Variants in ZNF705A observed in about 807,000 individuals in gnomAD.
The protein encoded by ZNF705A is zinc finger protein 705A.
Under a neutral mutation model 16.6 loss-of-function variants are expected in ZNF705A, and 8 were observed. The ratio of observed to expected loss-of-function variants is 0.48; its 90% CI spans 0.28 to 0.87. The LOEUF is 0.87. Among genes scored for constraint, ZNF705A ranks in the 40% least tolerant of loss-of-function variants. The pLI is 0.10. For synonymous variants in ZNF705A, 73 were observed against 117.3 expected, an observed-to-expected ratio of 0.62 and a Z score of 2.44; for missense variants, 233 against 359.9, an observed-to-expected ratio of 0.65 and a Z score of 2.85.
At chr12:8,166,395 G>A (rs1465192827) in intron 1 of ZNF705A, among the ~76,000 whole-genome samples, 2 of 152,186 alleles carry the variant, frequency 1.3e-5, no homozygotes, top group Admixed American at 1.3e-4. Flanking sequence ...GTTGTGGGGG[G>A]ACCCAGTGGC....
At chr12:8,161,927 T>G (rs939980464) in intron 1 of ZNF705A, among the ~76,000 whole-genome samples, 2 of 152,168 alleles carry the variant, frequency 1.3e-5, no homozygotes, top group African/African-American at 4.8e-5. Flanking sequence ...TGGAGGAAAC[T>G]CCATTGTGAG....
chr12:8,175,706 C>A (rs1289133897), intron 3 of ZNF705A, among the ~76,000 whole-genome samples, 154 bp from the exon 5 acceptor site: 1 of 152,124 alleles, frequency 6.6e-6, no homozygotes, highest in Non-Finnish European at 1.5e-5. Flanking sequence ...CGACACTGTA[C>A]AATCTATTTC....
At chr12:8,158,737 TTTTC>T (rs1402755219) in intron 1 of ZNF705A, among the ~76,000 whole-genome samples, 3 of 152,108 alleles carry the variant, frequency 2.0e-5, no homozygotes, top group Non-Finnish European at 4.4e-5. Flanking sequence ...TGTCTTGGGT[TTTTC>T]TTTACGTTTT....
upstream of ZNF705A, among the ~76,000 whole-genome samples, chr12:8,168,540 C>T (rs2120712965): frequency 6.6e-6 from 1 of 152,302 alleles, no homozygotes; most frequent in South Asian, 2.1e-4. Flanking sequence ...CTCCAAGATT[C>T]TAGATCTGCA....
chr12:8,161,617 G>C (rs976589945), intron 1 of ZNF705A, among the ~76,000 whole-genome samples: 8 of 152,008 alleles, frequency 5.3e-5, no homozygotes, highest in Non-Finnish European at 7.4e-5. Context: ...AATGATCAGT[G>C]GTGTCAGTTG....
chr12:8,175,393 A>G (rs1176478495), intron 3 of ZNF705A, 70 bp downstream of exon 4: 1 of 1,116,168 alleles, frequency 9.0e-7, no homozygotes, highest in Non-Finnish European at 1.3e-6. Flanking sequence ...GTTGAATATT[A>G]ATTAGTGGTT....
At chr12:8,176,912 T>C (rs1411967232) in intron 4 of ZNF705A, 87 bp from the exon 6 acceptor site, 5 of 1,558,094 alleles carry the variant, frequency 3.2e-6, no homozygotes, top group Non-Finnish European at 4.4e-6. Context: ...TACCACTGAA[T>C]GTTTGGTCTA....
At chr12:8,166,142 G>A (rs1394215522) in intron 1 of ZNF705A, among the ~76,000 whole-genome samples, 1 of 152,212 alleles carries the variant, frequency 6.6e-6, no homozygotes. Context: ...GATGGTGGCT[G>A]TCTTCTCAGA....
At chr12:8,159,300 A>G (rs929080673) in intron 1 of ZNF705A, among the ~76,000 whole-genome samples, 7 of 152,172 alleles carry the variant, frequency 4.6e-5, no homozygotes, top group Non-Finnish European at 7.3e-5. Flanking sequence ...TCTTTTTTGT[A>G]TAATGACTTC....
At chr12:8,173,104 C>G (rs764021882) in intron 1 of ZNF705A, among the ~76,000 whole-genome samples, 14 of 152,210 alleles carry the variant, frequency 9.2e-5, no homozygotes, top group African/African-American at 3.4e-4. Context: ...CACAGCCCAA[C>G]AATGAGTCTG....
chr12:8,157,785 G>C (rs1948321545), intron 1 of ZNF705A, among the ~76,000 whole-genome samples: 1 of 152,096 alleles, frequency 6.6e-6, no homozygotes, highest in African/African-American at 2.4e-5. Flanking sequence ...GTGAAATGTT[G>C]ACCTAAAAGG....
exon 5 of ZNF705A, chr12:8,178,519 T>C (rs182656605): frequency 3.3e-5 from 5 of 152,400 alleles, no homozygotes; most frequent in African/African-American, 1.2e-4. Context: ...AGAAACCTGA[T>C]AGATTTCTCA....
At chr12:8,176,933 G>A in intron 4 of ZNF705A, 66 bp from the exon 6 acceptor site, 1 of 1,563,898 alleles carries the variant, frequency 6.4e-7, no homozygotes, top group Non-Finnish European at 8.8e-7. Flanking sequence ...GGATTCAAAG[G>A]TAGTGAAATG....
At chr12:8,158,022 ATAAT>A (rs2120692141) in intron 1 of ZNF705A, among the ~76,000 whole-genome samples, 1 of 152,214 alleles carries the variant, frequency 6.6e-6, no homozygotes, top group East Asian at 1.9e-4. Context: ...TTGGCTATAA[ATAAT>A]TAACTATAGA....
At chr12:8,165,838 C>G (rs1344191616) in intron 1 of ZNF705A, among the ~76,000 whole-genome samples, 1 of 152,078 alleles carries the variant, frequency 6.6e-6, no homozygotes, top group African/African-American at 2.4e-5. Flanking sequence ...TATGTTGGTG[C>G]AAAGGACATA....
At chr12:8,161,071 C>T (rs1394589483) in intron 1 of ZNF705A, among the ~76,000 whole-genome samples, 1 of 152,134 alleles carries the variant, frequency 6.6e-6, no homozygotes, top group Non-Finnish European at 1.5e-5. Context: ...TTTTCTGCAT[C>T]TATTGAGATG....
chr12:8,171,301 T>C (rs1242833575), upstream of ZNF705A, among the ~76,000 whole-genome samples: 1 of 152,220 alleles, frequency 6.6e-6, no homozygotes, highest in African/African-American at 2.4e-5. Flanking sequence ...ATTATTTTTA[T>C]ATTTTTAGCA....
intron 2 of ZNF705A, 82 bp from the exon 4 acceptor site, chr12:8,175,146 C>T: frequency 1.4e-6 from 1 of 728,708 alleles, no homozygotes; most frequent in Non-Finnish European, 2.2e-6. Context: ...TTTATTCTTC[C>T]TTGATAGCCT....
chr12:8,166,503 G>T (rs1948400327), intron 1 of ZNF705A, among the ~76,000 whole-genome samples: 1 of 152,184 alleles, frequency 6.6e-6, no homozygotes, highest in Non-Finnish European at 1.5e-5. Flanking sequence ...AACCAGTTTT[G>T]CTTGGCTGTC....
Sources: gnomAD v4.1 joint callset for allele counts (sites outside exome capture counted in the v4.1 genomes callset) on GRCh38, gnomAD v4.1.1 for gene constraint, MANE v1.5 for transcripts, NCBI Gene and HGNC (gene_info 2026-07-23, HGNC 2026-07-21) for gene names.